SGCZ: variants seen among roughly 807,000 people sequenced by gnomAD.
The protein encoded by SGCZ is sarcoglycan zeta, also known as zeta-sarcoglycan.
Under a neutral mutation model 41.3 loss-of-function variants are expected in SGCZ, and 40 were observed. The observed-to-expected ratio is 0.97, with a 90% CI of 0.75 to 1.26. The LOEUF (loss-of-function observed/expected upper bound fraction) is 1.26, where lower values mean the gene tolerates loss of function less well. Ranked by LOEUF, SGCZ falls within the 50% of genes most tolerant of loss-of-function variation. The probability of loss-of-function intolerance (pLI) is 0.00; values close to 1 mark genes in which losing one functional copy is unlikely to be tolerated. For missense variants in SGCZ, 552 were observed against 369.8 expected (o/e 1.49, Z -4.04); for synonymous variants, 206 against 137.5 (o/e 1.50, Z -3.49).
chr8:15,007,710 T>C (rs1802655392), intron 1 of SGCZ, among the ~76,000 whole-genome samples: 1 of 152,228 alleles, frequency 6.6e-6, no homozygotes, highest in Admixed American at 6.5e-5. Context: ...CATGCATGTG[T>C]CATAATATTA....
Position 14,249,046 on chromosome 8 carries a change from A to G in SGCZ, c.337-11367T>C, listed in dbSNP as rs76891169. Among the ~76,000 whole-genome samples, 698 of 152,294 alleles carry G rather than the reference A, an allele frequency of 4.6e-3. 29 individuals are homozygous for G. Among genetic ancestry groups the G allele is most frequent in the Admixed American group, 0.037 (564 of 15,296 alleles). On this transcript the variant is annotated intron_variant, in intron 3 of 7. Transcript: ENST00000382080. ...CAGTTAGACTGGAGATGGGTGTCCA[A>G]ATATTTGGTGAAACATTATTTTGAG... is the stretch of plus-strand genomic sequence containing the variant.
intron 3 of SGCZ, among the ~76,000 whole-genome samples, chr8:14,275,196 A>T (rs1441980111): frequency 6.6e-6 from 1 of 152,136 alleles, no homozygotes; most frequent in Non-Finnish European, 1.5e-5. Flanking sequence ...TCAAACTGCA[A>T]GTTTTCTAAT....
chr8:14,449,788 T>G (rs768921223), intron 2 of SGCZ, among the ~76,000 whole-genome samples: 1 of 152,124 alleles, frequency 6.6e-6, no homozygotes, highest in Non-Finnish European at 1.5e-5. Flanking sequence ...ACACCTCTAC[T>G]CTTTTGGCTT....
At chr8:14,551,257 A>G (rs1803800050) in intron 2 of SGCZ, among the ~76,000 whole-genome samples, 1 of 146,350 alleles carries the variant, frequency 6.8e-6, no homozygotes, top group African/African-American at 2.5e-5. Flanking sequence ...TTTATTTAGA[A>G]TGAGTGTTGA....
chr8:14,508,889 T>G (rs74758885), intron 2 of SGCZ, among the ~76,000 whole-genome samples: 1 of 152,182 alleles, frequency 6.6e-6, no homozygotes, highest in African/African-American at 2.4e-5. Flanking sequence ...AAATTAGGAT[T>G]AACTAAATGA....
chr8:14,501,181 T>C (rs1802142503), intron 2 of SGCZ, among the ~76,000 whole-genome samples: 1 of 151,694 alleles, frequency 6.6e-6, no homozygotes, highest in Non-Finnish European at 1.5e-5. Context: ...AAGCCAGGAG[T>C]GTAGTATCAT....
At chr8:14,969,575 C>G (rs1410741600) in intron 1 of SGCZ, among the ~76,000 whole-genome samples, 3 of 151,950 alleles carry the variant, frequency 2.0e-5, no homozygotes, top group African/African-American at 4.8e-5. Context: ...CTTGATAACA[C>G]TGTAGGTTAG....
chr8:14,526,585 C>T (rs1802957249), intron 2 of SGCZ, among the ~76,000 whole-genome samples: 1 of 151,992 alleles, frequency 6.6e-6, no homozygotes, highest in Non-Finnish European at 1.5e-5. Context: ...AAATTATTTA[C>T]CTTTGAACAA....
intron 4 of SGCZ, among the ~76,000 whole-genome samples, chr8:14,204,486 G>T (rs1805556575): frequency 6.6e-6 from 1 of 152,030 alleles, no homozygotes; most frequent in South Asian, 2.1e-4. Context: ...AAGCACGTAA[G>T]GTAAAAATCT....
intron 1 of SGCZ, among the ~76,000 whole-genome samples, chr8:15,169,840 T>C (rs1341527320): frequency 2.6e-5 from 4 of 152,178 alleles, no homozygotes; most frequent in Non-Finnish European, 5.9e-5. Context: ...AATGTTTCCA[T>C]TCTGGGGGGA....
intron 1 of SGCZ, among the ~76,000 whole-genome samples, chr8:15,109,621 G>T (rs1011530920): frequency 6.6e-6 from 1 of 151,986 alleles, no homozygotes; most frequent in African/African-American, 2.4e-5. Context: ...AATCTAAGTT[G>T]GTTAAACTTG....
In SGCZ at chr8:14,906,403, G is replaced by C. The variant is rs190813906; in HGVS notation, c.39+331182C>G. Reference sequence around the variant, plus strand: ...AGAGTAAAAGTCCAGGAAGACACCAGGTATATTCTGAACCAATGGCTCTTA... The same window carrying C: ...AGAGTAAAAGTCCAGGAAGACACCACGTATATTCTGAACCAATGGCTCTTA... On this transcript the variant is annotated intron_variant, in intron 1 of 7. Coordinates refer to ENST00000382080, the MANE Select transcript of SGCZ (RefSeq NM_139167.4). 3.3e-5 allele frequency among the ~76,000 whole-genome samples: 5 copies of C among 152,206 alleles called. 1 individual carries two copies. Among genetic ancestry groups the C allele is most frequent in the Admixed American group, 2.6e-4 (4 of 15,278 alleles).
intron 4 of SGCZ, among the ~76,000 whole-genome samples, chr8:14,225,257 C>T (rs1184889976): frequency 6.6e-6 from 1 of 151,898 alleles, no homozygotes; most frequent in Non-Finnish European, 1.5e-5. Flanking sequence ...TAATGTTGTA[C>T]CCCCAAAAGT....
chr8:14,187,809 A>G (rs1484648467), intron 4 of SGCZ, among the ~76,000 whole-genome samples: 1 of 152,146 alleles, frequency 6.6e-6, no homozygotes, highest in Non-Finnish European at 1.5e-5. Context: ...AAGTTTATTG[A>G]AAAACAATAA....
intron 4 of SGCZ, among the ~76,000 whole-genome samples, chr8:14,234,192 C>T (rs1209163718): frequency 6.6e-6 from 1 of 151,986 alleles, no homozygotes; most frequent in Non-Finnish European, 1.5e-5. Flanking sequence ...AGGCTTGAGC[C>T]AGAAACATAT....
chr8:14,262,868 T>C (rs1334750753), intron 3 of SGCZ, among the ~76,000 whole-genome samples: 2 of 146,966 alleles, frequency 1.4e-5, no homozygotes, highest in Admixed American at 6.8e-5. Context: ...AAAAGCAAAA[T>C]GTGAGAAGTA....
intron 2 of SGCZ, among the ~76,000 whole-genome samples, chr8:14,500,925 A>C (rs537789256): frequency 6.6e-6 from 1 of 152,100 alleles, no homozygotes; most frequent in Non-Finnish European, 1.5e-5. Flanking sequence ...ATGAATAATT[A>C]TACACCTGTA....
At chr8:14,517,083 C>T (rs1053142844) in intron 2 of SGCZ, among the ~76,000 whole-genome samples, 1 of 151,958 alleles carries the variant, frequency 6.6e-6, no homozygotes, top group Non-Finnish European at 1.5e-5. Context: ...TAATGCGTGA[C>T]GGAAACAGAT....
At chr8:14,270,354 T>C (rs1426935206) in intron 3 of SGCZ, among the ~76,000 whole-genome samples, 1 of 151,920 alleles carries the variant, frequency 6.6e-6, no homozygotes, top group Admixed American at 6.6e-5. Flanking sequence ...AATTAAAAAA[T>C]TAAATCTAAA....
Sources: allele counts gnomAD v4.1 joint callset (sites outside exome capture counted in the v4.1 genomes callset), GRCh38; gene constraint gnomAD v4.1.1; transcripts MANE v1.5; gene names NCBI Gene and HGNC (gene_info 2026-07-23, HGNC 2026-07-21).